CEACAM19: variants seen among roughly 807,000 people sequenced by gnomAD.
CEACAM19 encodes CEA cell adhesion molecule 19.
Under a neutral mutation model 37.6 loss-of-function variants are expected in CEACAM19, and 37 were observed. That is an observed-to-expected ratio of 0.98 (90% CI 0.76 to 1.29). The LOEUF is 1.29. Ranked by LOEUF, CEACAM19 falls within the 50% of genes most tolerant of loss-of-function variation. The probability of loss-of-function intolerance (pLI) is 0.00; values close to 1 mark genes in which losing one functional copy is unlikely to be tolerated. For synonymous variants in CEACAM19, 140 were observed against 149.8 expected (o/e 0.93, Z 0.48); for missense variants, 340 against 375.6 (o/e 0.91, Z 0.78).
upstream of CEACAM19, among the ~76,000 whole-genome samples, chr19:44,670,183 G>A (rs1013557929): frequency 1.3e-5 from 2 of 151,616 alleles, no homozygotes; most frequent in Non-Finnish European, 2.9e-5. Context: ...ATTGACCAGG[G>A]ATGGTAGCAC....
At chr19:44,674,189 G>A (rs901486319) in intron 2 of CEACAM19, among the ~76,000 whole-genome samples, 7 of 151,122 alleles carry the variant, frequency 4.6e-5, no homozygotes, top group Admixed American at 1.3e-4. Flanking sequence ...GCAGTGAACC[G>A]AGATCATGCC....
intron 2 of CEACAM19, 76 bp from the exon 3 acceptor site, chr19:44,676,195 G>C: frequency 6.8e-7 from 1 of 1,464,898 alleles, no homozygotes; most frequent in Admixed American, 1.8e-5. Context: ...CACTGATATA[G>C]TCGGTGAGGG....
upstream of CEACAM19, among the ~76,000 whole-genome samples, chr19:44,668,048 AT>A (rs1973768835): frequency 1.2e-5 from 1 of 86,238 alleles, no homozygotes; most frequent in South Asian, 3.7e-4. Context: ...TTATATGTTT[AT>A]GTATATATAA....
intron 1 of CEACAM19, 48 bp downstream of exon 1, chr19:44,672,034 A>C: frequency 1.4e-6 from 2 of 1,481,168 alleles, no homozygotes; most frequent in South Asian, 1.2e-5. Context: ...ATGGGGACTC[A>C]GCCCAGAGAT....
intron 1 of CEACAM19, 55 bp from the exon 2 acceptor site, chr19:44,672,541 G>A: frequency 7.0e-7 from 1 of 1,430,904 alleles, no homozygotes; most frequent in Admixed American, 2.7e-5. Context: ...AGAGGAGCAT[G>A]CCATGGTCCC....
chr19:44,682,507 G>A, intron 6 of CEACAM19, 60 bp from the exon 7 acceptor site: 2 of 1,518,470 alleles, frequency 1.3e-6, no homozygotes, highest in South Asian at 1.2e-5. Flanking sequence ...AGCACCAAAG[G>A]TCAAAGTTTA....
chr19:44,680,452 C>G (rs1170821201), intron 5 of CEACAM19, 118 bp downstream of exon 5: 14 of 939,794 alleles, frequency 1.5e-5, no homozygotes, highest in Middle Eastern at 3.4e-4. Flanking sequence ...GCACCTGCCC[C>G]GAGACCTCTC....
chr19:44,668,402 TG>T (rs375770426), upstream of CEACAM19, among the ~76,000 whole-genome samples: 15 of 33,586 alleles, frequency 4.5e-4, no homozygotes, highest in African/African-American at 6.0e-4. Context: ...TTATATAATA[TG>T]TTTATATATT....
intron 2 of CEACAM19, chr19:44,673,682 G>A (rs891936072): frequency 1.3e-5 from 2 of 152,290 alleles, no homozygotes; most frequent in South Asian, 4.1e-4. Context: ...ACTCCATGAG[G>A]CCAGCGCCAT....
At chr19:44,676,211 G>A (rs1458288464) in intron 2 of CEACAM19, 60 bp from the exon 3 acceptor site, 15 of 1,553,290 alleles carry the variant, frequency 9.7e-6, no homozygotes, top group African/African-American at 1.4e-5. Flanking sequence ...GAGGGACTGG[G>A]GGAGCCCTCA....
chr19:44,680,188 C>A, intron 4 of CEACAM19, 100 bp from the exon 5 acceptor site: 3 of 942,300 alleles, frequency 3.2e-6, no homozygotes, highest in Non-Finnish European at 3.4e-6. Context: ...GACCATGTGG[C>A]TTTCAGGGAC....
intron 2 of CEACAM19, 25 bp from the exon 3 acceptor site, chr19:44,676,242 CCTCT>C (rs762561687): frequency 6.2e-7 from 1 of 1,611,080 alleles, no homozygotes; most frequent in Non-Finnish European, 8.5e-7. Context: ...CACAGTCCCC[CCTCT>C]CTCTTTCTTT....
In CEACAM19 at chr19:44,683,648, C is replaced by T. The variant is rs922149146; in HGVS notation, c.*158C>T. 8 of 468,598 alleles carry T rather than the reference C, an allele frequency of 1.7e-5. No individual in the cohort carries two copies. Among genetic ancestry groups the T allele is most frequent in the Non-Finnish European group, 2.7e-5 (7 of 259,954 alleles). The allele number at this position is 468,598 out of a possible 1,614,324, so 29.0% of individuals were successfully genotyped here. A position where few individuals can be genotyped will look rare whatever the true frequency, so the allele number is the denominator to read the frequency against. On this transcript the variant is annotated 3_prime_UTR_variant, in exon 8 of 8. Transcript: ENST00000358777. ...GCAGCACATGGGGCAGGTGTCCTGGCAGGGGGACAGGAGACTGTAACAGGC... is the reference window on the plus strand; with the variant it reads ...GCAGCACATGGGGCAGGTGTCCTGGTAGGGGGACAGGAGACTGTAACAGGC...
At chr19:44,677,153 A>T (rs1973964412) in intron 3 of CEACAM19, among the ~76,000 whole-genome samples, 1 of 152,084 alleles carries the variant, frequency 6.6e-6, no homozygotes, top group South Asian at 2.1e-4. Flanking sequence ...GGTAGTTCCA[A>T]CAAGAGCCCC....
chr19:44,669,609 C>T (rs901988868), upstream of CEACAM19, among the ~76,000 whole-genome samples: 3 of 152,220 alleles, frequency 2.0e-5, no homozygotes, highest in Non-Finnish European at 4.4e-5. Flanking sequence ...CAAGATATTG[C>T]AACCTCCTCA....
At chr19:44,679,579 C>T (rs2122146021) in intron 4 of CEACAM19, among the ~76,000 whole-genome samples, 1 of 152,224 alleles carries the variant, frequency 6.6e-6, no homozygotes, top group South Asian at 2.1e-4. Context: ...GAAACCCCGT[C>T]TCTACTAAAA....
At chr19:44,680,187 G>T (rs926629064) in intron 4 of CEACAM19, 101 bp from the exon 5 acceptor site, 3 of 909,554 alleles carry the variant, frequency 3.3e-6, no homozygotes, top group African/African-American at 3.3e-5. Context: ...AGACCATGTG[G>T]CTTTCAGGGA....
intron 2 of CEACAM19, among the ~76,000 whole-genome samples, 190 bp downstream of exon 2, chr19:44,673,154 T>G (rs1335295553): frequency 1.3e-5 from 2 of 152,218 alleles, no homozygotes; most frequent in Non-Finnish European, 2.9e-5. Flanking sequence ...TAATAAAATA[T>G]CTATGAAATG....
upstream of CEACAM19, among the ~76,000 whole-genome samples, chr19:44,667,724 A>G (rs1409004759): frequency 2.7e-5 from 2 of 72,946 alleles, no homozygotes; most frequent in African/African-American, 7.0e-5. Flanking sequence ...TATATAAATT[A>G]TATATTTATA....
Sources: gnomAD v4.1 joint callset for allele counts (sites outside exome capture counted in the v4.1 genomes callset) on GRCh38, gnomAD v4.1.1 for gene constraint, MANE v1.5 for transcripts, NCBI Gene and HGNC (gene_info 2026-07-23, HGNC 2026-07-21) for gene names.